The following MICAL3 variants were observed in gnomAD, a reference collection of about 807,000 sequenced individuals.
The protein encoded by MICAL3 is microtubule associated monooxygenase, calponin and LIM domain containing 3.
In MICAL3, 62 loss-of-function variants were observed where a neutral mutation model predicts 207.4. That is an observed-to-expected ratio of 0.30 (90% CI 0.24 to 0.37). MICAL3 has a LOEUF of 0.37. Among genes scored for constraint, MICAL3 ranks in the 10% least tolerant of loss-of-function variants. The pLI, the probability that MICAL3 is intolerant of heterozygous loss-of-function variation, is 1.00. For missense variants in MICAL3, 2,368 were observed against 2,635.6 expected (o/e 0.90, Z 2.22); for synonymous variants, 1,077 against 1,069.3 (o/e 1.01, Z -0.14).
Position 17,817,551 on chromosome 22 carries a change from A to G in MICAL3, c.5110T>C (p.Ser1704Pro). Residue 1704 changes from serine to proline, a missense_variant, in exon 26 of 32, where the codon TCC becomes CCC. By Grantham distance (74) the Ser-to-Pro change is moderately conservative. Coordinates refer to ENST00000441493, the MANE Select transcript of MICAL3 (RefSeq NM_015241.3). ...GKSKKRSSLFSPRRNKKEKKS... is the reference protein window; with the variant it reads ...GKSKKRSSLFPPRRNKKEKKS... ...TTCTCCTTCTTGTTTCTGCGGGGGG[A>G]GAAGAGTGACGACCTCTTCTTGCTC... 1.9e-6 allele frequency: 3 copies of G among 1,612,020 alleles called. No homozygotes were observed. The highest frequency in any genetic ancestry group is 2.5e-6 in the Non-Finnish European group (3 of 1,179,494).
intron 1 of MICAL3, among the ~76,000 whole-genome samples, chr22:17,913,639 G>T (rs1307222607): frequency 1.3e-5 from 2 of 152,012 alleles, no homozygotes; most frequent in Admixed American, 1.3e-4. Flanking sequence ...TAGCCTCTGG[G>T]TTCTCTTCCA....
chr22:17,875,332 G>C, intron 16 of MICAL3: 3 of 560,158 alleles, frequency 5.4e-6, no homozygotes, highest in Non-Finnish European at 8.9e-6. Flanking sequence ...GCTCCCTACA[G>C]GAGACGGGCC....
Position 18,017,870 on chromosome 22 carries a change from C to T in MICAL3, c.-75+6411G>A, listed in dbSNP as rs1924168365. Among the ~76,000 whole-genome samples, 3 of 152,100 alleles carry T rather than the reference C, an allele frequency of 2.0e-5. No individual in the cohort carries two copies. In the South Asian group the frequency reaches 6.2e-4, roughly 32 times the overall value. ...GGTTCACGCCATTCTCCTGCCTCGG[C>T]CTCCCGAGTAGCTGGTACTACAGGT... On this transcript the variant is annotated intron_variant, in intron 1 of 31. Coordinates refer to ENST00000441493, the MANE Select transcript of MICAL3 (RefSeq NM_015241.3).
At chr22:17,901,715 A>G (rs575733836) in intron 5 of MICAL3, among the ~76,000 whole-genome samples, 163 bp downstream of exon 5, 58 of 152,322 alleles carry the variant, frequency 3.8e-4, no homozygotes, top group African/African-American at 1.2e-3. Context: ...CCTGACTGCC[A>G]GCTGGCTAGA....
intron 16 of MICAL3, chr22:17,879,356 TG>T: frequency 6.2e-7 from 1 of 1,611,524 alleles, no homozygotes; most frequent in Non-Finnish European, 8.5e-7. Context: ...CCTCTCATGG[TG>T]GGGGCTCTGC....
intron 27 of MICAL3, chr22:17,814,944 A>G (rs1477075741): frequency 6.6e-6 from 1 of 150,388 alleles, no homozygotes; most frequent in African/African-American, 2.5e-5. Context: ...CCCCTAGGTC[A>G]TCCATCCCCT....
intron 22 of MICAL3, among the ~76,000 whole-genome samples, chr22:17,824,200 CCGGGGGCCTG>C (rs1921929507): frequency 6.6e-6 from 1 of 152,212 alleles, no homozygotes; most frequent in African/African-American, 2.4e-5. Context: ...GGACCACTGG[CCGGGGGCCTG>C]CGGGCTCTCC....
intron 1 of MICAL3, chr22:18,006,182 G>T (rs189203050): frequency 6.6e-6 from 1 of 152,344 alleles, no homozygotes; most frequent in East Asian, 1.9e-4. Context: ...CTGGCAGCTT[G>T]TGTGGGGTTA....
intron 16 of MICAL3, chr22:17,884,472 TGTGAACTGTG>T: frequency 4.1e-6 from 3 of 737,096 alleles, no homozygotes; most frequent in Non-Finnish European, 6.6e-6. Flanking sequence ...GCCCCATATC[TGTGAACTGTG>T]GGGAAGAGGG....
chr22:18,016,188 G>A (rs1288145013), intron 1 of MICAL3, among the ~76,000 whole-genome samples: 9 of 152,124 alleles, frequency 5.9e-5, no homozygotes, highest in South Asian at 4.1e-4. Context: ...TTATGTTGCG[G>A]TTTTGAAAAA....
At chr22:17,848,801 C>G (rs1369024162) in intron 19 of MICAL3, among the ~76,000 whole-genome samples, 18 of 152,206 alleles carry the variant, frequency 1.2e-4, no homozygotes, top group Non-Finnish European at 4.4e-5. Flanking sequence ...GGTCTTCCTG[C>G]ACTTATTCTC....
intron 1 of MICAL3, among the ~76,000 whole-genome samples, chr22:17,946,425 C>T (rs999597298): frequency 6.6e-5 from 10 of 152,336 alleles, no homozygotes; most frequent in Middle Eastern, 3.4e-3. Flanking sequence ...CACACGGCCC[C>T]GGAGAGTTCT....
intron 1 of MICAL3, among the ~76,000 whole-genome samples, chr22:17,933,385 A>C (rs1933363523): frequency 6.6e-6 from 1 of 152,238 alleles, no homozygotes. Flanking sequence ...GCTACATAAC[A>C]AAATGAAAGC....
rs1273957113 is a variant in MICAL3 at position 17,821,502 on chromosome 22, G to A, written c.3456C>T (p.Ser1152=). ...ASPKHQERGP[S]QATSPIRSPQ... ...GAGACCGGATGGGGCTGGTGGCTTG[G>A]GAGGGACCTGAAAAGAATGAACACA... The change falls in exon 25 of 32, where the codon TCC becomes TCT. Residue 1152 remains serine (S), a synonymous_variant. Coordinates refer to ENST00000441493, the MANE Select transcript of MICAL3 (RefSeq NM_015241.3). The A allele has an allele frequency of 9.1e-6, 14 of 1,539,052 alleles. No homozygotes were observed. In the East Asian group the frequency reaches 1.8e-4, roughly 19 times the overall value.
intron 11 of MICAL3, among the ~76,000 whole-genome samples, chr22:17,892,197 C>T (rs1045394815): frequency 6.6e-6 from 1 of 152,246 alleles, no homozygotes; most frequent in Non-Finnish European, 1.5e-5. Flanking sequence ...CCAGACCAGA[C>T]AGTCCCCGAA....
At chr22:17,948,243 G>T (rs547474496) in intron 1 of MICAL3, among the ~76,000 whole-genome samples, 2 of 152,234 alleles carry the variant, frequency 1.3e-5, no homozygotes, top group African/African-American at 4.8e-5. Flanking sequence ...GCCCCCGCAG[G>T]AGGATGCGCA....
intron 20 of MICAL3, chr22:17,834,665 G>A (rs540963486): frequency 1.7e-5 from 16 of 956,866 alleles, no homozygotes; most frequent in Non-Finnish European, 2.0e-5. Context: ...CACGGTGGGC[G>A]GAGGGCCAGG....
intron 1 of MICAL3, among the ~76,000 whole-genome samples, chr22:17,935,602 T>C (rs956241986): frequency 7.9e-5 from 12 of 152,118 alleles, no homozygotes; most frequent in Non-Finnish European, 1.3e-4. Flanking sequence ...ACTAAAGAGC[T>C]TCTGCACAGG....
intron 1 of MICAL3, among the ~76,000 whole-genome samples, chr22:17,925,191 C>G (rs560494931): frequency 1.3e-5 from 2 of 152,260 alleles, no homozygotes; most frequent in Non-Finnish European, 2.9e-5. Flanking sequence ...AGGTGAGAGC[C>G]ACAAGCTGTA....
Sources: gnomAD v4.1 joint callset for allele counts (sites outside exome capture counted in the v4.1 genomes callset) on GRCh38, gnomAD v4.1.1 for gene constraint, MANE v1.5 for transcripts, NCBI Gene and HGNC (gene_info 2026-07-23, HGNC 2026-07-21) for gene names.